Variants in XPNPEP1 observed in about 807,000 individuals in gnomAD.
XPNPEP1 encodes xaa-Pro aminopeptidase 1.
XPNPEP1 carries 39 observed loss-of-function variants against 92.4 expected under a neutral mutation model. That is an observed-to-expected ratio of 0.42 (90% CI 0.33 to 0.55). The LOEUF is 0.55. Among genes scored for constraint, XPNPEP1 ranks in the 20% least tolerant of loss-of-function variants. XPNPEP1 has a pLI of 0.08. For synonymous variants in XPNPEP1, 307 were observed against 299.4 expected (o/e 1.03, Z -0.26); for missense variants, 654 against 856.1 (o/e 0.76, Z 2.95).
chr10:109,893,155 C>T lies in XPNPEP1; in HGVS notation c.247-80G>A. ...TCTGCCTGCTTAGCCTTGTGCTAGGCTCAGCGGGGACTATGAAGACTGGGG... is the reference window on the plus strand; with the variant it reads ...TCTGCCTGCTTAGCCTTGTGCTAGGTTCAGCGGGGACTATGAAGACTGGGG... On this transcript the variant is annotated intron_variant, in intron 3 of 20. Transcript: ENST00000502935. 3 of 1,370,586 alleles carry T rather than the reference C, an allele frequency of 2.2e-6. No homozygotes were observed. In the South Asian group the frequency reaches 3.7e-5, roughly 17 times the overall value. The allele number at this position is 1,370,586 out of a possible 1,614,324, so 84.9% of individuals were successfully genotyped here. A position where few individuals can be genotyped will look rare whatever the true frequency, so the allele number is the denominator to read the frequency against.
intron 2 of XPNPEP1, among the ~76,000 whole-genome samples, chr10:109,911,834 G>A (rs752683710): frequency 3.3e-5 from 5 of 152,128 alleles, no homozygotes; most frequent in Non-Finnish European, 4.4e-5. Context: ...TTTCTTTATA[G>A]ACTCTGCCTT....
At chr10:109,878,245 T>C in intron 12 of XPNPEP1, 187 bp from the exon 13 acceptor site, 1 of 597,350 alleles carries the variant, frequency 1.7e-6, no homozygotes, top group Non-Finnish European at 2.9e-6. Context: ...TAAAATCCAA[T>C]AGTTTCTATT....
intron 7 of XPNPEP1, 48 bp downstream of exon 7, chr10:109,888,001 G>T (rs773587536): frequency 3.1e-6 from 5 of 1,604,566 alleles, no homozygotes; most frequent in Admixed American, 1.7e-5. Flanking sequence ...AGCAAGAGGT[G>T]GGGGGACAAT....
chr10:109,918,858 G>GGGAA (rs869050041), intron 1 of XPNPEP1, among the ~76,000 whole-genome samples: 54 of 87,276 alleles, frequency 6.2e-4, no homozygotes, highest in African/African-American at 1.8e-3. Flanking sequence ...GAAGGAAGGA[G>GGGAA]GGAAGGAAGG....
chr10:109,886,396 A>G (rs1474354357), intron 7 of XPNPEP1, 55 bp from the exon 8 acceptor site: 8 of 1,529,262 alleles, frequency 5.2e-6, no homozygotes, highest in African/African-American at 1.4e-5. Flanking sequence ...AGCAGTAGGA[A>G]CCCAGTGAAA....
chr10:109,880,088 CT>C (rs1848006302), intron 12 of XPNPEP1, 99 bp downstream of exon 12: 1 of 1,202,604 alleles, frequency 8.3e-7, no homozygotes, highest in African/African-American at 1.5e-5. Flanking sequence ...GATCTCAGAT[CT>C]CATGGTCAGC....
chr10:109,918,579 G>A (rs1045733778), intron 1 of XPNPEP1, among the ~76,000 whole-genome samples: 5 of 151,972 alleles, frequency 3.3e-5, no homozygotes, highest in Admixed American at 3.3e-4. Flanking sequence ...GGCTAACACG[G>A]TGAAACCCTG....
chr10:109,884,225 C>T, intron 8 of XPNPEP1, 77 bp from the exon 9 acceptor site: 1 of 1,426,688 alleles, frequency 7.0e-7, no homozygotes, highest in Admixed American at 1.8e-5. Context: ...GAGGGAAGAG[C>T]TTCAGCTTGG....
chr10:109,898,329 G>A (rs1849093802), intron 3 of XPNPEP1, among the ~76,000 whole-genome samples: 1 of 152,238 alleles, frequency 6.6e-6, no homozygotes. Flanking sequence ...ACTGCACCGA[G>A]CTTGACTCTA....
chr10:109,883,372 A>G (rs904542565), intron 9 of XPNPEP1, among the ~76,000 whole-genome samples: 1 of 152,082 alleles, frequency 6.6e-6, no homozygotes, highest in African/African-American at 2.4e-5. Context: ...CTGCTTCAAA[A>G]TATTACTTTC....
At chr10:109,878,115 C>T in intron 12 of XPNPEP1, 57 bp from the exon 13 acceptor site, 1 of 1,592,790 alleles carries the variant, frequency 6.3e-7, no homozygotes, top group South Asian at 1.1e-5. Flanking sequence ...GTGCCTCTTA[C>T]AAATTAGAGG....
intron 3 of XPNPEP1, among the ~76,000 whole-genome samples, chr10:109,905,525 G>A (rs979147580): frequency 6.6e-6 from 1 of 152,070 alleles, no homozygotes; most frequent in Admixed American, 6.5e-5. Context: ...ATCTTAGAGA[G>A]AGAAAGTAGA....
Position 109,870,764 on chromosome 10 carries a change from C to T in XPNPEP1, c.1663G>A (p.Glu555Lys). 6.2e-7 allele frequency: 1 copy of T among 1,614,104 alleles called. No homozygotes were observed. Among genetic ancestry groups the T allele is most frequent in the South Asian group, 1.1e-5 (1 of 91,070 alleles). Reference protein sequence around the residue: ...CGISYKTFSDEPLEAGMIVTD... With the variant: ...CGISYKTFSDKPLEAGMIVTD... ...ACAATCATGCCTGCCTCCAAGGGCT[C>T]ATCAGAGAATGTTTTGTAACTGATG... The change falls in exon 18 of 21, where the codon GAG (glutamate) becomes AAG (lysine). Residue 555 changes from glutamate (E) to lysine (K), a missense_variant. Coordinates refer to ENST00000502935, the MANE Select transcript of XPNPEP1 (RefSeq NM_020383.4).
chr10:109,910,856 T>C (rs1343849924), intron 2 of XPNPEP1, among the ~76,000 whole-genome samples: 1 of 152,234 alleles, frequency 6.6e-6, no homozygotes, highest in African/African-American at 2.4e-5. Flanking sequence ...GTAACATAAC[T>C]CTGTAAGTAA....
chr10:109,909,254 G>C lies in XPNPEP1; in HGVS notation c.122-1439C>G, dbSNP rs1351578417. On this transcript the variant is annotated intron_variant, in intron 2 of 20. Transcript: ENST00000502935. The stretch of plus-strand genomic sequence containing the variant: ...CCACTACACTCCAGCCTGGGCAACA[G>C]AGTGAGACTCTGTCTCAAAAAAATA... Among the ~76,000 whole-genome samples, 6 of 151,576 alleles carry C rather than the reference G, an allele frequency of 4.0e-5. No individual in the cohort carries two copies. In the Middle Eastern group the frequency reaches 0.014, roughly 356 times the overall value.
chr10:109,904,064 C>T (rs922561927), intron 3 of XPNPEP1, among the ~76,000 whole-genome samples: 5 of 151,310 alleles, frequency 3.3e-5, no homozygotes, highest in Non-Finnish European at 5.9e-5. Context: ...AGCCTGGTTT[C>T]GAACTCCTGA....
intron 20 of XPNPEP1, among the ~76,000 whole-genome samples, chr10:109,865,655 T>A (rs1847099780): frequency 6.6e-6 from 1 of 152,180 alleles, no homozygotes; most frequent in Non-Finnish European, 1.5e-5. Flanking sequence ...AGCCCCGGAC[T>A]CTGTGAGAAC....
chr10:109,911,197 G>C (rs1849851262), intron 2 of XPNPEP1, among the ~76,000 whole-genome samples: 1 of 152,264 alleles, frequency 6.6e-6, no homozygotes, highest in Non-Finnish European at 1.5e-5. Flanking sequence ...CAAAGGAAGA[G>C]TCAATGGAAA....
intron 2 of XPNPEP1, among the ~76,000 whole-genome samples, chr10:109,914,751 A>ACGC (rs1850085316): frequency 6.8e-6 from 1 of 147,700 alleles, no homozygotes; most frequent in African/African-American, 2.5e-5. Flanking sequence ...AGCCGAGATC[A>ACGC]CGCCATTGCA....
Sources: allele counts gnomAD v4.1 joint callset (sites outside exome capture counted in the v4.1 genomes callset), GRCh38; gene constraint gnomAD v4.1.1; transcripts MANE v1.5; gene names NCBI Gene and HGNC (gene_info 2026-07-23, HGNC 2026-07-21).